UNC5D: variants seen among roughly 807,000 people sequenced by gnomAD.
The protein encoded by UNC5D is netrin receptor UNC5D.
UNC5D carries 39 observed loss-of-function variants against 105.4 expected under a neutral mutation model. The ratio of observed to expected loss-of-function variants is 0.37; its 90% CI spans 0.29 to 0.48. The LOEUF (loss-of-function observed/expected upper bound fraction) is 0.48, where lower values mean the gene tolerates loss of function less well. Ranked by LOEUF, UNC5D falls within the 20% of genes least tolerant of loss-of-function variation. The probability of loss-of-function intolerance (pLI) is 0.98; values close to 1 mark genes in which losing one functional copy is unlikely to be tolerated. For missense variants in UNC5D, 991 were observed against 1,202.4 expected (o/e 0.82, Z 2.60); for synonymous variants, 452 against 450.4 (o/e 1.00, Z -0.04).
intron 1 of UNC5D, among the ~76,000 whole-genome samples, chr8:35,239,890 T>C (rs1289739060): frequency 6.6e-6 from 1 of 152,160 alleles, no homozygotes; most frequent in Non-Finnish European, 1.5e-5. Flanking sequence ...TCTTTTCCTT[T>C]TCTTTTTTCC....
chr8:35,360,481 G>A (rs749440030), intron 1 of UNC5D, among the ~76,000 whole-genome samples: 1 of 152,132 alleles, frequency 6.6e-6, no homozygotes, highest in Admixed American at 6.6e-5. Flanking sequence ...CTGAGCTGCT[G>A]ATTGGCTTGA....
At chr8:35,775,965 A>G (rs1563754505) in intron 16 of UNC5D, among the ~76,000 whole-genome samples, 2 of 152,204 alleles carry the variant, frequency 1.3e-5, no homozygotes, top group Non-Finnish European at 2.9e-5. Context: ...TGTACAGGGG[A>G]AAAAAATTAG....
intron 1 of UNC5D, among the ~76,000 whole-genome samples, chr8:35,297,022 C>T (rs369984108): frequency 2.0e-5 from 3 of 152,128 alleles, no homozygotes; most frequent in Non-Finnish European, 2.9e-5. Context: ...AGAACATTTA[C>T]GCAAAACAAA....
At chr8:35,327,701 C>T (rs753998007) in intron 1 of UNC5D, among the ~76,000 whole-genome samples, 11 of 152,168 alleles carry the variant, frequency 7.2e-5, no homozygotes, top group Admixed American at 3.3e-4. Context: ...GACCCTGGCA[C>T]GGTCTGCAGT....
intron 16 of UNC5D, among the ~76,000 whole-genome samples, chr8:35,777,440 C>T (rs1351681998): frequency 1.3e-5 from 2 of 152,156 alleles, no homozygotes; most frequent in Admixed American, 1.3e-4. Flanking sequence ...TGAAAAACCT[C>T]ATACAGTTAA....
At chr8:35,237,737 G>A (rs1802562597) in intron 1 of UNC5D, among the ~76,000 whole-genome samples, 1 of 152,184 alleles carries the variant, frequency 6.6e-6, no homozygotes, top group Non-Finnish European at 1.5e-5. Context: ...CCGTAAATCT[G>A]ACTGATATTT....
At chr8:35,279,147 G>A (rs767566660) in intron 1 of UNC5D, among the ~76,000 whole-genome samples, 1 of 152,168 alleles carries the variant, frequency 6.6e-6, no homozygotes, top group African/African-American at 2.4e-5. Context: ...AGGAGGCCAC[G>A]GAGTATGCTG....
intron 1 of UNC5D, among the ~76,000 whole-genome samples, chr8:35,449,331 C>T (rs540880677): frequency 1.1e-3 from 174 of 152,162 alleles, no homozygotes; most frequent in Admixed American, 2.0e-3. Flanking sequence ...AGACCTTTCC[C>T]GTGGCACCTT....
intron 1 of UNC5D, among the ~76,000 whole-genome samples, chr8:35,286,171 AAT>A (rs1277140315): frequency 6.6e-6 from 1 of 152,178 alleles, no homozygotes; most frequent in Non-Finnish European, 1.5e-5. Context: ...AAATACAATC[AAT>A]ATATATGACT....
At chr8:35,461,578 C>A (rs776457929) in intron 1 of UNC5D, among the ~76,000 whole-genome samples, 1 of 152,162 alleles carries the variant, frequency 6.6e-6, no homozygotes, top group Non-Finnish European at 1.5e-5. Context: ...CTATCCCACC[C>A]TTTGAATATT....
At chr8:35,509,691 G>A (rs149231903) in intron 1 of UNC5D, among the ~76,000 whole-genome samples, 105 of 151,372 alleles carry the variant, frequency 6.9e-4, no homozygotes, top group African/African-American at 2.5e-3. Context: ...TGTGACCTCA[G>A]ATATTCGTGG....
chr8:35,510,269 C>T lies in UNC5D; in HGVS notation c.104-39023C>T, dbSNP rs60743877. Among the ~76,000 whole-genome samples, 1,199 of 142,340 alleles carry T rather than the reference C, an allele frequency of 8.4e-3. 14 individuals carry two copies. The highest frequency in any genetic ancestry group is 0.029 in the African/African-American group (1,107 of 37,644). The allele number at this position is 142,340 out of a possible 152,430, so 93.4% of individuals were successfully genotyped here. A position where few individuals can be genotyped will look rare whatever the true frequency, so the allele number is the denominator to read the frequency against. ...CCAGTGACCAGCCCCCACCCTGGAG[C>T]TACCTAGGGGGTAGCAGTTACCAGT... is the stretch of plus-strand genomic sequence containing the variant. On this transcript the variant is annotated intron_variant, in intron 1 of 16. Coordinates refer to ENST00000404895, the MANE Select transcript of UNC5D (RefSeq NM_080872.4).
intron 2 of UNC5D, among the ~76,000 whole-genome samples, chr8:35,560,973 G>C (rs981183287): frequency 2.0e-5 from 3 of 152,178 alleles, no homozygotes; most frequent in African/African-American, 4.8e-5. Context: ...AATCTTCATA[G>C]TAGGGTGCCC....
At chr8:35,327,602 C>T (rs1194011516) in intron 1 of UNC5D, among the ~76,000 whole-genome samples, 7 of 152,160 alleles carry the variant, frequency 4.6e-5, no homozygotes, top group Admixed American at 4.6e-4. Context: ...TTACAAATGT[C>T]CCCTTTCAAC....
intron 1 of UNC5D, among the ~76,000 whole-genome samples, chr8:35,498,380 T>C (rs886942193): frequency 2.6e-5 from 4 of 151,966 alleles, no homozygotes; most frequent in African/African-American, 9.7e-5. Context: ...AAGAGAGATA[T>C]GTGCAATGTA....
Position 35,686,673 on chromosome 8 carries a change from G to C in UNC5D, c.1048G>C (p.Glu350Gln). 6 of 1,603,770 alleles carry C rather than the reference G, an allele frequency of 3.7e-6. No individual in the cohort carries two copies. Among genetic ancestry groups the C allele is most frequent in the Non-Finnish European group, 5.1e-6 (6 of 1,176,908 alleles). The change falls in exon 7 of 17, where the codon GAA (glutamate) becomes CAA (glutamine). Residue 350 changes from glutamate (E) to glutamine (Q), a missense_variant. Glu to Gln is a conservative substitution (Grantham distance 29). Around this residue, in one of 3 missense-constraint regions of UNC5D, gnomAD observed 944 missense variants for 1,131.6 expected, o/e 0.83. Transcript: ENST00000404895. ...CAAATTCTGTGAAGGTCTAAGCCAG[G>C]AATCTGAAAACTGCACAGATGGTCT... ...GGKFCEGLSQ[E>Q]SENCTDGLCI... is the part of the protein sequence containing the mutation.
At chr8:35,579,695 A>G (rs977788598) in intron 3 of UNC5D, among the ~76,000 whole-genome samples, 3 of 152,226 alleles carry the variant, frequency 2.0e-5, no homozygotes, top group Non-Finnish European at 4.4e-5. Flanking sequence ...AAGATGGCAG[A>G]AGATGGTGCT....
At chr8:35,471,894 G>T (rs1417116749) in intron 1 of UNC5D, among the ~76,000 whole-genome samples, 3 of 152,156 alleles carry the variant, frequency 2.0e-5, no homozygotes, top group Non-Finnish European at 4.4e-5. Flanking sequence ...CCTTATTGTG[G>T]TTTATTGCCA....
At chr8:35,404,160 G>GT in intron 1 of UNC5D, among the ~76,000 whole-genome samples, 1 of 152,296 alleles carries the variant, frequency 6.6e-6, no homozygotes, top group South Asian at 2.1e-4. Flanking sequence ...CTGATAAATG[G>GT]TAACTGTTGG....
Sources: allele counts gnomAD v4.1 joint callset (sites outside exome capture counted in the v4.1 genomes callset), GRCh38; gene constraint gnomAD v4.1.1; regional missense constraint gnomAD v4.1.1; transcripts MANE v1.5; gene names NCBI Gene and HGNC (gene_info 2026-07-23, HGNC 2026-07-21).